AKAP11: variants seen among roughly 807,000 people sequenced by gnomAD.
AKAP11 encodes A-kinase anchoring protein 11, also known as A-kinase anchor protein 11.
Under a neutral mutation model 146.1 loss-of-function variants are expected in AKAP11, and 36 were observed. The ratio of observed to expected loss-of-function variants is 0.25; its 90% CI spans 0.19 to 0.33. The LOEUF is 0.33. AKAP11 is among the 10% of genes least tolerant of loss of function. AKAP11 has a pLI of 1.00. For synonymous variants in AKAP11, 780 were observed against 786.5 expected, an observed-to-expected ratio of 0.99 and a Z score of 0.14; for missense variants, 2,201 against 2,197.0, an observed-to-expected ratio of 1.00 and a Z score of -0.04.
chr13:42,312,948 C>A (rs1162445047), intron 9 of AKAP11, 99 bp from the exon 10 acceptor site: 1 of 937,602 alleles, frequency 1.1e-6, no homozygotes, highest in Non-Finnish European at 1.6e-6. Context: ...AGCTTCAGAA[C>A]ATCTGCAGTT....
intron 8 of AKAP11, among the ~76,000 whole-genome samples, chr13:42,305,845 C>T (rs908661361): frequency 1.2e-4 from 18 of 152,176 alleles, no homozygotes; most frequent in African/African-American, 4.1e-4. Context: ...GGGAAAGCCT[C>T]AGGAGACTTA....
In AKAP11 at chr13:42,322,566, G is replaced by C. The variant is rs1354564166; in HGVS notation, c.*3338G>C. Reference sequence around the variant, plus strand: ...GATGCATCCATACTCAGGGTGTAGGGAGAATACTTTGCATTTAAAAACCCT... The same window carrying C: ...GATGCATCCATACTCAGGGTGTAGGCAGAATACTTTGCATTTAAAAACCCT... On this transcript the variant is annotated 3_prime_UTR_variant, in exon 13 of 13. Coordinates refer to ENST00000025301, the MANE Select transcript of AKAP11 (RefSeq NM_016248.4). 1 of 152,248 alleles carries C rather than the reference G, an allele frequency of 6.6e-6. No homozygotes were observed. The highest frequency in any genetic ancestry group is 1.9e-4 in the East Asian group (1 of 5,338). The allele number at this position is 152,248 out of a possible 1,614,324, so 9.4% of individuals were successfully genotyped here.
rs750710947 is a variant in AKAP11 at position 42,303,895 on chromosome 13, ATAAAT to A, written c.5117+37_5117+41del. 42 of 1,529,078 alleles carry A rather than the reference ATAAAT, an allele frequency of 2.7e-5. 1 individual carries two copies. Among genetic ancestry groups the A allele is most frequent in the Middle Eastern group, 1.8e-4 (1 of 5,662 alleles). 94.7% of individuals were successfully genotyped at this position (1,529,078 alleles called of 1,614,324 possible). A position where few individuals can be genotyped will look rare whatever the true frequency, so the allele number is the denominator to read the frequency against. On this transcript the variant is annotated intron_variant, in intron 8 of 12. Transcript: ENST00000025301. ...TTCACGTTTCTTTTGGTTGTTAATGATAAATTAAAAAGATAAATGTGATCCTATAT... is the reference window on the plus strand; with the variant it reads ...TTCACGTTTCTTTTGGTTGTTAATGATAAAAAGATAAATGTGATCCTATAT...
At chr13:42,272,490 C>T (rs769375422) in intron 1 of AKAP11, among the ~76,000 whole-genome samples, 45 of 152,342 alleles carry the variant, frequency 3.0e-4, no homozygotes, top group Admixed American at 5.9e-4. Flanking sequence ...CGAGACGCGT[C>T]TTCCTGGGGT....
chr13:42,282,660 A>G (rs1959088717), intron 1 of AKAP11, among the ~76,000 whole-genome samples: 1 of 151,920 alleles, frequency 6.6e-6, no homozygotes, highest in Non-Finnish European at 1.5e-5. Flanking sequence ...TTGGTTTTCC[A>G]TTGTTTTTAG....
intron 1 of AKAP11, among the ~76,000 whole-genome samples, chr13:42,277,175 T>G (rs1057135789): frequency 6.6e-6 from 1 of 152,254 alleles, no homozygotes; most frequent in Non-Finnish European, 1.5e-5. Flanking sequence ...TGAAAATATT[T>G]TTGAAAGTCA....
chr13:42,275,062 G>A (rs1199387024), intron 1 of AKAP11, among the ~76,000 whole-genome samples: 1 of 152,166 alleles, frequency 6.6e-6, no homozygotes, highest in Non-Finnish European at 1.5e-5. Context: ...TAAAAAAAAA[G>A]CATTTGTCAT....
chr13:42,303,316 A>T lies in AKAP11; in HGVS notation c.4570A>T (p.Thr1524Ser), dbSNP rs745743328. The T allele has an allele frequency of 1.9e-6, 3 of 1,612,704 alleles. No homozygotes were observed. In the Admixed American group the frequency reaches 5.0e-5, roughly 27 times the overall value. Reference protein sequence around the residue: ...SSQNHRFYHSTGSLNGYGCGD... With the variant: ...SSQNHRFYHSSGSLNGYGCGD... ...ACAAAATCACAGGTTTTACCACAGC[A>T]CTGGCAGTTTAAATGGATATGGTTG... The change falls in exon 8 of 13, where the codon ACT becomes TCT. Residue 1524 changes from threonine (T) to serine (S), a missense_variant. Thr to Ser is a moderately conservative substitution (Grantham distance 58, BLOSUM62 1). This residue lies in a region of AKAP11 where 1,867 missense variants were observed against 1,833.5 expected (regional missense o/e 1.02). Coordinates refer to ENST00000025301, the MANE Select transcript of AKAP11 (RefSeq NM_016248.4).
chr13:42,301,425 A>AAATT lies in AKAP11; in HGVS notation c.2679_2680insAATT (p.Leu894AsnfsTer9). 6.2e-7 allele frequency: 1 copy of AAATT among 1,613,352 alleles called. No individual in the cohort carries two copies. The highest frequency in any genetic ancestry group is 1.3e-5 in the African/African-American group (1 of 74,992). On this transcript the variant is annotated frameshift_variant, in exon 8 of 13. Transcript: ENST00000025301. LOFTEE classifies it high-confidence loss of function. ...ATGAAACTTTAGAGTCAATGACATCATTGGAAGTTACAAAAATGGTTGATG... is the reference window on the plus strand; with the variant it reads ...ATGAAACTTTAGAGTCAATGACATCAAATTTTGGAAGTTACAAAAATGGTTGATG...
intron 3 of AKAP11, among the ~76,000 whole-genome samples, chr13:42,291,045 C>T (rs985133784): frequency 6.6e-6 from 1 of 152,086 alleles, no homozygotes; most frequent in Non-Finnish European, 1.5e-5. Flanking sequence ...TCAAATGTAA[C>T]AGTACAGCTT....
In AKAP11 at chr13:42,301,100, C is replaced by T. The variant is rs1336218960; in HGVS notation, c.2354C>T (p.Ala785Val). The T allele has an allele frequency of 7.4e-6, 12 of 1,614,082 alleles. No homozygotes were observed. In the South Asian group the frequency reaches 1.1e-4, roughly 15 times the overall value. ...GTTACTTCTATACCGGTGCCCTTGG[C>T]AGGAAGTGCCCTTCTCCCATATCAT... ...GIVTSIPVPL[A>V]GSALLPYHIS... The change falls in exon 8 of 13, where the codon GCA becomes GTA. Residue 785 changes from alanine to valine, a missense_variant. Physicochemically the swap from Ala to Val is moderately conservative, Grantham distance 64. Coordinates refer to ENST00000025301, the MANE Select transcript of AKAP11 (RefSeq NM_016248.4).
chr13:42,280,483 T>C (rs926673397), intron 1 of AKAP11, among the ~76,000 whole-genome samples: 14 of 152,244 alleles, frequency 9.2e-5, no homozygotes, highest in Admixed American at 5.2e-4. Flanking sequence ...AGGCATACTT[T>C]GCTCTTTATT....
rs769642537 is a variant in AKAP11, at chr13:42,313,102, G to T, written c.5329G>T (p.Asp1777Tyr). ...SLGLEGDLYE[D>Y]NLSFPTSDSD... Reference sequence around the variant, plus strand: ...TGGTTTAGAAGGAGATTTGTATGAGGACAATTTATCCTTTCCAACATCAGA... The same window carrying T: ...TGGTTTAGAAGGAGATTTGTATGAGTACAATTTATCCTTTCCAACATCAGA... Residue 1777 changes from aspartate (D) to tyrosine (Y), a missense_variant, in exon 10 of 13, where the codon GAC (aspartate) becomes TAC (tyrosine). Transcript: ENST00000025301. 1 of 1,613,254 alleles carries T rather than the reference G, an allele frequency of 6.2e-7. No individual in the cohort carries two copies. Among genetic ancestry groups the T allele is most frequent in the Non-Finnish European group, 8.5e-7 (1 of 1,179,744 alleles).
intron 3 of AKAP11, among the ~76,000 whole-genome samples, chr13:42,286,625 A>G (rs1959168478): frequency 1.3e-5 from 2 of 152,148 alleles, no homozygotes. Flanking sequence ...TTTTTTCTCT[A>G]CACATAGATA....
At chr13:42,294,576 G>A (rs111587111) in intron 4 of AKAP11, among the ~76,000 whole-genome samples, 1 of 151,936 alleles carries the variant, frequency 6.6e-6, no homozygotes, top group African/African-American at 2.4e-5. Flanking sequence ...CTAATTTTTT[G>A]TATTTTTAGT....
intron 8 of AKAP11, 112 bp downstream of exon 8, chr13:42,303,975 C>T: frequency 7.6e-7 from 1 of 1,316,514 alleles, no homozygotes; most frequent in East Asian, 2.5e-5. Flanking sequence ...CCTACATAAA[C>T]AAAAGTTTTC....
At position 42,303,690 on chromosome 13, in the gene AKAP11, AGTGCTTGCTGAGAAGATAGTT is replaced by A; in HGVS notation, c.4946_4966del (p.Val1649_Val1655del). The A allele has an allele frequency of 6.2e-7, 1 of 1,614,176 alleles. No individual in the cohort carries two copies. The highest frequency in any genetic ancestry group is 8.5e-7 in the Non-Finnish European group (1 of 1,180,024). ...TTCATGTTAATCTTGATAAGAAGGC[AGTGCTTGCTGAGAAGATAGTT>A]GCTGAAGCCATTGAAAAAGCTGAGC... On this transcript the variant is annotated inframe_deletion, in exon 8 of 13. Coordinates refer to ENST00000025301, the MANE Select transcript of AKAP11 (RefSeq NM_016248.4).
rs1414987212 is a variant in AKAP11, at chr13:42,320,555, C to T, written c.*1327C>T. Reference sequence around the variant, plus strand: ...ACTGTCTCTCACCTCCCCCACCCCCCACTCTCTCTCATCTCTCGCTGTGTC... The same window carrying T: ...ACTGTCTCTCACCTCCCCCACCCCCTACTCTCTCTCATCTCTCGCTGTGTC... On this transcript the variant is annotated 3_prime_UTR_variant, in exon 13 of 13. Transcript: ENST00000025301. The T allele has an allele frequency of 1.3e-5, 2 of 150,552 alleles. No individual in the cohort carries two copies. Among genetic ancestry groups the T allele is most frequent in the South Asian group, 2.2e-4 (1 of 4,630 alleles). The allele number at this position is 150,552 out of a possible 1,614,324, so 9.3% of individuals were successfully genotyped here.
rs766821059 is a variant in AKAP11, at chr13:42,301,388, A to G, written c.2642A>G (p.His881Arg). ...IISNFSAAVV[H>R]TIVNETLESM... ...AGCAACTTTTCTGCAGCAGTGGTGC[A>G]TACGATAGTAAATGAAACTTTAGAG... Residue 881 changes from histidine to arginine, a missense_variant, in exon 8 of 13, where the codon CAT (histidine) becomes CGT (arginine). Coordinates refer to ENST00000025301, the MANE Select transcript of AKAP11 (RefSeq NM_016248.4). 2 of 1,613,772 alleles carry G rather than the reference A, an allele frequency of 1.2e-6. No individual in the cohort carries two copies. Among genetic ancestry groups the G allele is most frequent in the South Asian group, 1.1e-5 (1 of 90,996 alleles).
Sources: gnomAD v4.1 joint callset for allele counts (sites outside exome capture counted in the v4.1 genomes callset) on GRCh38, gnomAD v4.1.1 for gene constraint, gnomAD v4.1.1 regional missense constraint, MANE v1.5 for transcripts, NCBI Gene and HGNC (gene_info 2026-07-23, HGNC 2026-07-21) for gene names.